Variants in VSIG10 observed in about 807,000 individuals in gnomAD.
The protein encoded by VSIG10 is V-set and immunoglobulin domain containing 10.
A neutral mutation model predicts 58.7 loss-of-function variants in VSIG10; 48 were observed. That is an observed-to-expected ratio of 0.82 (90% CI 0.65 to 1.04). VSIG10 has a LOEUF of 1.04. VSIG10 is among the 50% of genes least tolerant of loss of function. The pLI is 0.00. For synonymous variants in VSIG10, 260 were observed against 267.1 expected (o/e 0.97, Z 0.26); for missense variants, 628 against 670.0 (o/e 0.94, Z 0.69).
chr12:118,087,974 G>C (rs1490027375), intron 2 of VSIG10, among the ~76,000 whole-genome samples: 2 of 152,124 alleles, frequency 1.3e-5, no homozygotes, highest in African/African-American at 2.4e-5. Flanking sequence ...GGCTGGGCGC[G>C]GTGGCTCATG....
At chr12:118,071,098 C>A in intron 6 of VSIG10, 31 bp from the exon 7 acceptor site, 1 of 1,582,456 alleles carries the variant, frequency 6.3e-7, no homozygotes, top group Non-Finnish European at 8.6e-7. Flanking sequence ...CCATTAATAT[C>A]CAGTAACATC....
chr12:118,088,964 A>C (rs1162400952), intron 2 of VSIG10, among the ~76,000 whole-genome samples: 1 of 129,634 alleles, frequency 7.7e-6, no homozygotes, highest in Non-Finnish European at 1.6e-5. Flanking sequence ...TTTTTTTTTT[A>C]TGAGACAGAC....
intron 3 of VSIG10, among the ~76,000 whole-genome samples, chr12:118,080,264 T>G (rs2032899411): frequency 6.6e-6 from 1 of 151,288 alleles, no homozygotes; most frequent in Admixed American, 6.6e-5. Flanking sequence ...CCTCCCAAAG[T>G]GCTGAGATTA....
In VSIG10 at chr12:118,103,625, A is replaced by G; in HGVS notation, c.47T>C (p.Leu16Pro). 6.6e-7 allele frequency: 1 copy of G among 1,515,794 alleles called. No homozygotes were observed. The highest frequency in any genetic ancestry group is 8.8e-7 in the Non-Finnish European group (1 of 1,138,076). The allele number at this position is 1,515,794 out of a possible 1,614,324, so 93.9% of individuals were successfully genotyped here. A position where few individuals can be genotyped will look rare whatever the true frequency, so the allele number is the denominator to read the frequency against. The change falls in exon 1 of 9, where the codon CTC becomes CCC. Residue 16 changes from leucine (L) to proline (P), a missense_variant. Leu to Pro is a moderately conservative substitution (Grantham distance 98). Transcript: ENST00000359236. ...GACCCAGCCGGCCAGGAGCGCCCCGAGGCAGACGAGGACGCGGGGCTCGGG... is the reference window on the plus strand; with the variant it reads ...GACCCAGCCGGCCAGGAGCGCCCCGGGGCAGACGAGGACGCGGGGCTCGGG... ...SAPEPRVLVC[L>P]GALLAGWVAV...
rs569685451 is a variant in VSIG10, at chr12:118,100,252, C to T, written c.79+3341G>A. Among the ~76,000 whole-genome samples the T allele has an allele frequency of 2.6e-5, 4 of 152,204 alleles. No individual in the cohort carries two copies. In the South Asian group the frequency reaches 6.2e-4, roughly 24 times the overall value. On this transcript the variant is annotated intron_variant, in intron 1 of 8. Coordinates refer to ENST00000359236, the MANE Select transcript of VSIG10 (RefSeq NM_019086.6). ...GGGCGTGGTGGCTCCTGCCTGTAAC[C>T]CCAGCACTTTGGGAGGCCAAGGTGG...
intron 2 of VSIG10, among the ~76,000 whole-genome samples, chr12:118,084,229 C>A (rs893101452): frequency 2.3e-4 from 35 of 152,214 alleles, no homozygotes; most frequent in Non-Finnish European, 3.4e-4. Context: ...GAATTCACTT[C>A]TTTCCTTACC....
rs961607734 is a variant in VSIG10, at chr12:118,082,283, G to C, written c.508C>G (p.Leu170Val). The change falls in exon 3 of 9, where the codon CTG becomes GTG. Residue 170 changes from leucine (L) to valine (V), a missense_variant. Transcript: ENST00000359236. Reference protein sequence around the residue: ...PPVVEWWFQALNSSSESFGHN... With the variant: ...PPVVEWWFQAVNSSSESFGHN... ...CCAAAGGACTCGCTGCTGGAATTCA[G>C]GGCCTGGAACCACCATTCAACCACG... is the stretch of plus-strand genomic sequence containing the variant. 6.2e-7 allele frequency: 1 copy of C among 1,613,856 alleles called. No individual in the cohort carries two copies. Among genetic ancestry groups the C allele is most frequent in the Non-Finnish European group, 8.5e-7 (1 of 1,179,902 alleles).
rs766167150 is a variant in VSIG10 at position 118,095,739 on chromosome 12, C to T, written c.155G>A (p.Gly52Asp). The T allele has an allele frequency of 1.2e-6, 2 of 1,613,672 alleles. No individual in the cohort carries two copies. Among genetic ancestry groups the T allele is most frequent in the Admixed American group, 1.7e-5 (1 of 59,912 alleles). The change falls in exon 2 of 9, where the codon GGC (glycine) becomes GAC (aspartate). Residue 52 changes from glycine to aspartate, a missense_variant. Coordinates refer to ENST00000359236, the MANE Select transcript of VSIG10 (RefSeq NM_019086.6). ...LHCGNISGLRGQVTWYRNNSE... is the reference protein window; with the variant it reads ...LHCGNISGLRDQVTWYRNNSE... Reference sequence around the variant, plus strand: ...GTTGTTCCGGTACCAGGTCACCTGGCCCCTCAGTCCCGAGATGTTGCCACA... The same window carrying T: ...GTTGTTCCGGTACCAGGTCACCTGGTCCCTCAGTCCCGAGATGTTGCCACA...
At chr12:118,095,096 G>A (rs1419444774) in intron 2 of VSIG10, among the ~76,000 whole-genome samples, 1 of 152,114 alleles carries the variant, frequency 6.6e-6, no homozygotes, top group Admixed American at 6.6e-5. Flanking sequence ...ATAGAGATGG[G>A]GTTTCACCAT....
At chr12:118,091,840 C>A (rs989026187) in intron 2 of VSIG10, among the ~76,000 whole-genome samples, 2 of 151,988 alleles carry the variant, frequency 1.3e-5, no homozygotes, top group African/African-American at 4.8e-5. Context: ...TCGCTGCAAC[C>A]TCTGTCTCCC....
chr12:118,083,167 C>G (rs2033018245), intron 2 of VSIG10, among the ~76,000 whole-genome samples: 1 of 144,984 alleles, frequency 6.9e-6, no homozygotes, highest in Non-Finnish European at 1.5e-5. Context: ...AAGGGCTAGG[C>G]ACAGTAGCTC....
At chr12:118,100,097 C>T (rs1240349646) in intron 1 of VSIG10, among the ~76,000 whole-genome samples, 3 of 152,284 alleles carry the variant, frequency 2.0e-5, no homozygotes, top group South Asian at 4.1e-4. Context: ...GGGCCGGGGG[C>T]GGTGGCTCAC....
chr12:118,066,744 A>G (rs758603599), intron 8 of VSIG10, 50 bp from the exon 9 acceptor site: 1 of 1,518,584 alleles, frequency 6.6e-7, no homozygotes, highest in South Asian at 1.3e-5. Flanking sequence ...GTGTGATTCT[A>G]TTTCCACCGT....
chr12:118,103,311 C>T (rs2137972221), intron 1 of VSIG10: 1 of 357,274 alleles, frequency 2.8e-6, no homozygotes, highest in Non-Finnish European at 5.0e-6. Flanking sequence ...TGCCTCTTTA[C>T]TTTGCCCCCG....
At position 118,071,069 on chromosome 12, in the gene VSIG10, T is replaced by A. The variant is rs200166389; in HGVS notation, c.1331-2A>T. ...ACACTCACCTGGAAGTGTTTCCTAC[T>A]GAAGAGAGAAAGGAAAAACCATTAA... On this transcript the variant is annotated splice_acceptor_variant, in intron 6 of 8. Transcript: ENST00000359236. LOFTEE classifies it high-confidence loss of function. 5 of 1,597,842 alleles carry A rather than the reference T, an allele frequency of 3.1e-6. No individual in the cohort carries two copies. The African/African-American group carries it at 5.3e-5, about 17-fold the overall frequency.
intron 8 of VSIG10, 105 bp downstream of exon 8, chr12:118,068,272 T>G (rs998253801): frequency 1.8e-6 from 2 of 1,113,288 alleles, no homozygotes; most frequent in Non-Finnish European, 2.6e-6. Flanking sequence ...TGGGCTTAAG[T>G]GATCTTCCCA....
In VSIG10 at chr12:118,064,561, G is replaced by C. The variant is rs1249883658; in HGVS notation, c.*2078C>G. On this transcript the variant is annotated 3_prime_UTR_variant, in exon 9 of 9. Transcript: ENST00000359236. The stretch of plus-strand genomic sequence containing the variant: ...AGACTCTAAAGGAGAGACTCACTCA[G>C]TAATTCAGTGACTTTAGAAGCAAGC... 2.6e-5 allele frequency: 4 copies of C among 151,842 alleles called. No homozygotes were observed. Among genetic ancestry groups the C allele is most frequent in the Non-Finnish European group, 5.9e-5 (4 of 68,006 alleles). 9.4% of individuals were successfully genotyped at this position (151,842 alleles called of 1,614,324 possible). A position where few individuals can be genotyped will look rare whatever the true frequency, so the allele number is the denominator to read the frequency against.
At chr12:118,085,192 CACAG>C (rs1012024687) in intron 2 of VSIG10, among the ~76,000 whole-genome samples, 1 of 152,216 alleles carries the variant, frequency 6.6e-6, no homozygotes, top group East Asian at 1.9e-4. Flanking sequence ...CCACCACCAA[CACAG>C]ACAAAGAGCT....
At chr12:118,071,811 C>T (rs920291836) in intron 5 of VSIG10, among the ~76,000 whole-genome samples, 1 of 152,328 alleles carries the variant, frequency 6.6e-6, no homozygotes, top group East Asian at 1.9e-4. Flanking sequence ...AGTCCAGGAA[C>T]GGGTCCACAC....
Sources: allele counts gnomAD v4.1 joint callset (sites outside exome capture counted in the v4.1 genomes callset), GRCh38; gene constraint gnomAD v4.1.1; transcripts MANE v1.5; gene names NCBI Gene and HGNC (gene_info 2026-07-23, HGNC 2026-07-21).